SMIM31: variants seen among roughly 807,000 people sequenced by gnomAD.
SMIM31 encodes human epithelial cell program regulator.
intron 1 of SMIM31, among the ~76,000 whole-genome samples, chr4:164,761,047 C>A (rs1732642870): frequency 6.6e-6 from 1 of 152,136 alleles, no homozygotes; most frequent in Non-Finnish European, 1.5e-5. Context: ...AAGCCAATTG[C>A]CCATCTATGA....
At chr4:164,777,317 T>G (rs940042724) in intron 2 of SMIM31, among the ~76,000 whole-genome samples, 10 of 152,362 alleles carry the variant, frequency 6.6e-5, no homozygotes, top group South Asian at 2.1e-4. Context: ...TATATTTCCA[T>G]TTTTTGTGTT....
At chr4:164,783,164 G>T (rs1032545948) in intron 2 of SMIM31, among the ~76,000 whole-genome samples, 4 of 143,382 alleles carry the variant, frequency 2.8e-5, no homozygotes. Context: ...GTTGTGGTGA[G>T]CCGAGATCAG....
intron 2 of SMIM31, among the ~76,000 whole-genome samples, chr4:164,788,715 A>G (rs1356200238): frequency 6.6e-6 from 1 of 150,566 alleles, no homozygotes; most frequent in Non-Finnish European, 1.5e-5. Context: ...CGAACTCCTG[A>G]CCTCAGGTGA....
chr4:164,766,068 C>T (rs1000562945), intron 1 of SMIM31, among the ~76,000 whole-genome samples: 11 of 152,102 alleles, frequency 7.2e-5, no homozygotes, highest in African/African-American at 2.7e-4. Context: ...GCAGTGAGCT[C>T]TGTCAGCAGC....
intron 1 of SMIM31, among the ~76,000 whole-genome samples, chr4:164,761,322 C>G (rs1014120959): frequency 6.6e-6 from 1 of 152,112 alleles, no homozygotes; most frequent in African/African-American, 2.4e-5. Context: ...GATTTTTATT[C>G]TTTACATAAT....
intron 2 of SMIM31, among the ~76,000 whole-genome samples, chr4:164,790,798 T>G (rs1381935725): frequency 6.6e-6 from 1 of 152,162 alleles, no homozygotes; most frequent in Non-Finnish European, 1.5e-5. Context: ...TGTGTAACTT[T>G]AATGTAAGAA....
In SMIM31 at chr4:164,778,182, G is replaced by A. The variant is rs574354003; in HGVS notation, c.112+7627G>A. 2.0e-5 allele frequency among the ~76,000 whole-genome samples: 3 copies of A among 152,288 alleles called. 1 individual carries two copies. In the South Asian group the frequency reaches 6.2e-4, roughly 32 times the overall value. The stretch of plus-strand genomic sequence containing the variant: ...GCAGGAGGATGGCTTGAGCCCAGAA[G>A]TTTGAGATCAGCCTGGGCAACATAG... On this transcript the variant is annotated intron_variant, in intron 2 of 2. Transcript: ENST00000507311.
intron 1 of SMIM31, among the ~76,000 whole-genome samples, chr4:164,758,418 A>G (rs535575547): frequency 3.9e-5 from 6 of 152,290 alleles, no homozygotes; most frequent in African/African-American, 1.4e-4. Flanking sequence ...GATAGAAATG[A>G]CTGAAGTAAA....
At chr4:164,758,528 T>C (rs1370499501) in intron 1 of SMIM31, among the ~76,000 whole-genome samples, 1 of 152,094 alleles carries the variant, frequency 6.6e-6, no homozygotes, top group African/African-American at 2.4e-5. Flanking sequence ...AGGAAGATCA[T>C]TCCCACCTTT....
chr4:164,769,648 TTA>T (rs1463357403), intron 1 of SMIM31, among the ~76,000 whole-genome samples: 1 of 151,310 alleles, frequency 6.6e-6, no homozygotes, highest in Non-Finnish European at 1.5e-5. Context: ...TAATGTTAAA[TTA>T]TGAGTTAATG....
At chr4:164,789,265 T>C (rs550519905) in intron 2 of SMIM31, among the ~76,000 whole-genome samples, 4 of 152,208 alleles carry the variant, frequency 2.6e-5, no homozygotes, top group Non-Finnish European at 5.9e-5. Context: ...GCAGCATTGG[T>C]GTTAAGCACT....
chr4:164,794,881 G>C (rs1733168781), intron 2 of SMIM31, among the ~76,000 whole-genome samples: 1 of 151,022 alleles, frequency 6.6e-6, no homozygotes, highest in African/African-American at 2.4e-5. Flanking sequence ...CAGAGAGGAA[G>C]AGAAAGTATA....
At chr4:164,789,952 T>C (rs1733078611) in intron 2 of SMIM31, among the ~76,000 whole-genome samples, 1 of 152,186 alleles carries the variant, frequency 6.6e-6, no homozygotes, top group Non-Finnish European at 1.5e-5. Flanking sequence ...GGAAATCTAG[T>C]TATACGTAGA....
chr4:164,775,349 C>T (rs949090822), intron 2 of SMIM31, among the ~76,000 whole-genome samples: 7 of 152,176 alleles, frequency 4.6e-5, no homozygotes, highest in African/African-American at 1.7e-4. Flanking sequence ...CTTTCAACTC[C>T]TTGTTCTTTG....
chr4:164,771,645 C>CAA (rs796468826), intron 2 of SMIM31, among the ~76,000 whole-genome samples: 1 of 134,300 alleles, frequency 7.4e-6, no homozygotes, highest in African/African-American at 2.7e-5. Context: ...ACTAAAAATA[C>CAA]AAAAAAAAAA....
chr4:164,790,997 C>T (rs1733093162), intron 2 of SMIM31, among the ~76,000 whole-genome samples: 1 of 152,142 alleles, frequency 6.6e-6, no homozygotes, highest in African/African-American at 2.4e-5. Flanking sequence ...GAGGCTAGCA[C>T]TGAAGCTGAA....
chr4:164,788,472 A>ATTTTTTTTTTTTTT (rs1187569698), intron 2 of SMIM31, among the ~76,000 whole-genome samples: 4 of 60,498 alleles, frequency 6.6e-5, no homozygotes, highest in Non-Finnish European at 1.4e-4. Flanking sequence ...CTTTCTTCTA[A>ATTTTTTTTTTTTTT]TTTTTCTTTT....
intron 2 of SMIM31, among the ~76,000 whole-genome samples, chr4:164,785,517 T>C (rs1271039981): frequency 1.3e-5 from 2 of 152,090 alleles, no homozygotes; most frequent in Admixed American, 6.5e-5. Context: ...ATAGTAACCA[T>C]ATTTAAGGAA....
chr4:164,789,551 T>A (rs1733073301), intron 2 of SMIM31, among the ~76,000 whole-genome samples: 2 of 152,202 alleles, frequency 1.3e-5, no homozygotes, highest in Admixed American at 1.3e-4. Flanking sequence ...TCTCAATGCA[T>A]AATTTTTAGT....
Sources: allele counts gnomAD v4.1 joint callset (sites outside exome capture counted in the v4.1 genomes callset), GRCh38; gene constraint gnomAD v4.1.1; transcripts MANE v1.5; gene names NCBI Gene and HGNC (gene_info 2026-07-23, HGNC 2026-07-21).